Variants in DRC8 observed in about 807,000 individuals in gnomAD.
DRC8 encodes the protein dynein regulatory complex subunit 8.
the DRC8 span, among the ~76,000 whole-genome samples, chr1:245,022,737 A>C: frequency 6.6e-6 from 1 of 151,904 alleles, no homozygotes; most frequent in South Asian, 2.1e-4. Flanking sequence ...GTGTGTGTGC[A>C]TGTGTGTATT....
the DRC8 span, among the ~76,000 whole-genome samples, chr1:245,050,876 A>G: frequency 6.6e-6 from 1 of 151,820 alleles, no homozygotes; most frequent in Non-Finnish European, 1.5e-5. Context: ...GCCTTCTGAA[A>G]TATTTTATTT....
chr1:245,037,412 G>A, the DRC8 span, among the ~76,000 whole-genome samples: 2 of 152,154 alleles, frequency 1.3e-5, no homozygotes, highest in Non-Finnish European at 2.9e-5. Flanking sequence ...AGAGGCATTT[G>A]ACAGAATTCA....
chr1:245,008,676 T>TTC, the DRC8 span, among the ~76,000 whole-genome samples: 1 of 151,146 alleles, frequency 6.6e-6, no homozygotes, highest in Non-Finnish European at 1.5e-5. Flanking sequence ...CACACTTTTT[T>TTC]TTTTTTTTTT....
the DRC8 span, among the ~76,000 whole-genome samples, chr1:245,034,730 G>A: frequency 6.8e-6 from 1 of 147,214 alleles, no homozygotes; most frequent in African/African-American, 2.5e-5. Flanking sequence ...AAAATGAACA[G>A]AACATCCAAC....
the DRC8 span, among the ~76,000 whole-genome samples, chr1:244,984,673 A>T: frequency 6.6e-6 from 1 of 151,994 alleles, no homozygotes; most frequent in African/African-American, 2.4e-5. Context: ...TGTCTCTACT[A>T]AAAGTATAAA....
the DRC8 span, among the ~76,000 whole-genome samples, chr1:245,094,355 A>G: frequency 2.0e-5 from 3 of 152,158 alleles, no homozygotes; most frequent in Non-Finnish European, 4.4e-5. Context: ...GCCTCTTATC[A>G]GTTTTTGAGG....
the DRC8 span, among the ~76,000 whole-genome samples, chr1:245,056,523 C>T: frequency 6.6e-6 from 1 of 152,248 alleles, no homozygotes; most frequent in Non-Finnish European, 1.5e-5. Context: ...CTCAGTCTGA[C>T]TCCAGATGGA....
At chr1:245,050,047 C>G in the DRC8 span, among the ~76,000 whole-genome samples, 1 of 152,150 alleles carries the variant, frequency 6.6e-6, no homozygotes. Context: ...CGAAGACGAA[C>G]CTGATGGCTA....
At chr1:245,086,534 C>A in the DRC8 span, among the ~76,000 whole-genome samples, 1 of 152,188 alleles carries the variant, frequency 6.6e-6, no homozygotes, top group African/African-American at 2.4e-5. Context: ...ATAAATCACA[C>A]TGAATCAAGT....
At chr1:244,978,141 A>G in the DRC8 span, among the ~76,000 whole-genome samples, 1 of 152,226 alleles carries the variant, frequency 6.6e-6, no homozygotes, top group Non-Finnish European at 1.5e-5. Context: ...TCTAGTATGG[A>G]TTTTATAGAT....
At chr1:245,109,381 C>T in the DRC8 span, among the ~76,000 whole-genome samples, 33 of 152,282 alleles carry the variant, frequency 2.2e-4, no homozygotes, top group East Asian at 5.6e-3. Flanking sequence ...TACCCTCCTG[C>T]TTAATAATCC....
chr1:245,098,645 T>G, the DRC8 span, among the ~76,000 whole-genome samples: 3 of 152,202 alleles, frequency 2.0e-5, no homozygotes, highest in Admixed American at 1.3e-4. Flanking sequence ...AACCCAGTGG[T>G]AGCGCCGCGT....
At chr1:244,971,423 G>A in the DRC8 span, among the ~76,000 whole-genome samples, 1 of 152,298 alleles carries the variant, frequency 6.6e-6, no homozygotes, top group East Asian at 1.9e-4. Flanking sequence ...AAGCCAAAAA[G>A]TGATTACGTT....
At chr1:244,976,447 C>A in the DRC8 span, among the ~76,000 whole-genome samples, 1 of 151,920 alleles carries the variant, frequency 6.6e-6, no homozygotes, top group African/African-American at 2.4e-5. Flanking sequence ...CTTTTTGAAG[C>A]CTAATTTGTT....
the DRC8 span, chr1:245,083,457 A>G: frequency 1.9e-6 from 3 of 1,613,882 alleles, no homozygotes; most frequent in Non-Finnish European, 2.5e-6. Flanking sequence ...GACCAATTCC[A>G]GAAGATGTCC....
chr1:245,020,329 C>T, the DRC8 span, among the ~76,000 whole-genome samples: 1 of 152,160 alleles, frequency 6.6e-6, no homozygotes, highest in Admixed American at 6.5e-5. Context: ...GAGCTGGGCT[C>T]CTGCTACTGC....
At chr1:245,055,005 G>A in the DRC8 span, among the ~76,000 whole-genome samples, 4 of 152,206 alleles carry the variant, frequency 2.6e-5, no homozygotes, top group Admixed American at 1.3e-4. Flanking sequence ...TGCCTGCACA[G>A]GAAATGGGTG....
chr1:245,081,750 T>G, the DRC8 span, among the ~76,000 whole-genome samples: 1 of 152,188 alleles, frequency 6.6e-6, no homozygotes, highest in Non-Finnish European at 1.5e-5. Flanking sequence ...ATTACAGGCG[T>G]GAGCCACCAC....
At chr1:244,973,839 A>G in the DRC8 span, among the ~76,000 whole-genome samples, 1 of 152,200 alleles carries the variant, frequency 6.6e-6, no homozygotes, top group African/African-American at 2.4e-5. Context: ...AGTATTGAGA[A>G]TATTGATAAG....
Sources: allele counts gnomAD v4.1 joint callset (sites outside exome capture counted in the v4.1 genomes callset), GRCh38; gene constraint gnomAD v4.1.1; transcripts MANE v1.5; gene names NCBI Gene and HGNC (gene_info 2026-07-23, HGNC 2026-07-21).